Variants in DNAH8 observed in about 807,000 individuals in gnomAD.
DNAH8 encodes dynein axonemal heavy chain 8.
A neutral mutation model predicts 562.1 loss-of-function variants in DNAH8; 382 were observed. That is an observed-to-expected ratio of 0.68 (90% confidence interval 0.63 to 0.74). DNAH8 has a LOEUF of 0.74. Among genes scored for constraint, DNAH8 ranks in the 30% least tolerant of loss-of-function variants. The pLI is 0.00. For missense variants in DNAH8, 5,203 were observed against 5,620.4 expected (o/e 0.93, Z 2.37); for synonymous variants, 1,881 against 1,919.4 (o/e 0.98, Z 0.52).
intron 65 of DNAH8, 54 bp downstream of exon 65, chr6:38,909,798 A>T: frequency 5.9e-6 from 8 of 1,355,912 alleles, no homozygotes; most frequent in Non-Finnish European, 8.4e-6. Context: ...TGTATTCCCA[A>T]GAGGAATGCA....
At chr6:38,888,754 T>C (rs1431605178) in intron 57 of DNAH8, among the ~76,000 whole-genome samples, 1 of 152,250 alleles carries the variant, frequency 6.6e-6, no homozygotes, top group Non-Finnish European at 1.5e-5. Flanking sequence ...AGTGAGAATG[T>C]GAAGCAACTG....
In DNAH8 at chr6:39,012,319, C is replaced by G; in HGVS notation, c.13476C>G (p.Ser4492Arg). 1 of 1,613,290 alleles carries G rather than the reference C, an allele frequency of 6.2e-7. No homozygotes were observed. The highest frequency in any genetic ancestry group is 1.7e-5 in the Admixed American group (1 of 60,016). ...MQRVISILRS[S>R]LSDLKLAIEG... Reference sequence around the variant, plus strand: ...GAGTCATTTCAATACTCCGCAGTAGCCTGAGTGATCTAAAATTGGCCATTG... The same window carrying G: ...GAGTCATTTCAATACTCCGCAGTAGGCTGAGTGATCTAAAATTGGCCATTG... The change falls in exon 90 of 93, where the codon AGC (serine) becomes AGG (arginine). Residue 4492 changes from serine to arginine, a missense_variant. Ser to Arg is a moderately radical substitution (Grantham distance 110). Coordinates refer to ENST00000327475, the MANE Select transcript of DNAH8 (RefSeq NM_001206927.2).
chr6:38,870,261 T>C, intron 48 of DNAH8, 140 bp from the exon 49 acceptor site: 1 of 704,140 alleles, frequency 1.4e-6, no homozygotes, highest in Non-Finnish European at 2.3e-6. Flanking sequence ...CTGGAGAAAG[T>C]ACTAGAGAAT....
chr6:38,749,851 A>G (rs1019169147), intron 8 of DNAH8, among the ~76,000 whole-genome samples: 1 of 151,978 alleles, frequency 6.6e-6, no homozygotes, highest in Admixed American at 6.6e-5. Flanking sequence ...ATTTTTTTTG[A>G]GACAAAGTCT....
intron 17 of DNAH8, 119 bp from the exon 18 acceptor site, chr6:38,786,645 CA>C: frequency 1.0e-6 from 1 of 1,000,180 alleles, no homozygotes; most frequent in Non-Finnish European, 1.4e-6. Flanking sequence ...CTGGGGCATC[CA>C]AAACATTTCC....
chr6:38,925,904 C>A, intron 73 of DNAH8, 151 bp from the exon 74 acceptor site: 1 of 593,266 alleles, frequency 1.7e-6, no homozygotes. Context: ...TTCACATTTA[C>A]AAGTTTGCTT....
At chr6:38,975,161 A>G (rs1042777217) in intron 85 of DNAH8, among the ~76,000 whole-genome samples, 17 of 152,228 alleles carry the variant, frequency 1.1e-4, no homozygotes, top group African/African-American at 3.6e-4. Context: ...CAGTCTTAGT[A>G]CTGACGCAGT....
intron 23 of DNAH8, among the ~76,000 whole-genome samples, chr6:38,807,236 ATCT>A (rs1771359327): frequency 6.6e-6 from 1 of 152,196 alleles, no homozygotes; most frequent in South Asian, 2.1e-4. Flanking sequence ...GAGACTAGTT[ATCT>A]TCTTGTGCCC....
chr6:38,722,808 G>A lies in DNAH8; in HGVS notation c.-2G>A, dbSNP rs769292289. On this transcript the variant is annotated 5_prime_UTR_variant, in exon 2 of 93. Coordinates refer to ENST00000327475, the MANE Select transcript of DNAH8 (RefSeq NM_001206927.2). ...AGTATAAAGCATTCCGCACGACGGG[G>A]GATGGAGAAGGATGCTGAAGATGGC... The A allele has an allele frequency of 6.3e-7, 1 of 1,578,288 alleles. No individual in the cohort carries two copies. The highest frequency in any genetic ancestry group is 1.9e-5 in the Admixed American group (1 of 52,374).
Position 39,013,544 on chromosome 6 carries a change from G to C in DNAH8, c.13714+907G>C, listed in dbSNP as rs892727972. ...GTCAGGATAATGACTGTAGAAGGAG[G>C]GCAGTGATTAGAAAAAGGCACAAAG... On this transcript the variant is annotated intron_variant, in intron 91 of 92. Coordinates refer to ENST00000327475, the MANE Select transcript of DNAH8 (RefSeq NM_001206927.2). Among the ~76,000 whole-genome samples, 5 of 152,274 alleles carry C rather than the reference G, an allele frequency of 3.3e-5. 1 individual carries two copies. The highest frequency in any genetic ancestry group is 3.4e-3 in the Middle Eastern group (1 of 294).
intron 33 of DNAH8, among the ~76,000 whole-genome samples, chr6:38,840,500 T>C (rs1774685023): frequency 6.6e-6 from 1 of 152,196 alleles, no homozygotes; most frequent in African/African-American, 2.4e-5. Flanking sequence ...TGTTGCAAAA[T>C]ATTGCATGAT....
chr6:38,726,710 G>A (rs774727748), intron 3 of DNAH8, among the ~76,000 whole-genome samples: 49 of 152,124 alleles, frequency 3.2e-4, no homozygotes, highest in Non-Finnish European at 6.8e-4. Context: ...ATTTGGTTGA[G>A]GGGAAAAGGC....
At chr6:38,985,649 G>C (rs901296575) in intron 87 of DNAH8, among the ~76,000 whole-genome samples, 2 of 152,200 alleles carry the variant, frequency 1.3e-5, no homozygotes, top group Non-Finnish European at 2.9e-5. Context: ...AGGTATCTCA[G>C]GTAGACATAT....
intron 88 of DNAH8, among the ~76,000 whole-genome samples, chr6:38,991,649 C>A (rs755459375): frequency 3.9e-5 from 6 of 152,156 alleles, no homozygotes; most frequent in Non-Finnish European, 7.4e-5. Flanking sequence ...TCTACCTCCC[C>A]ACCCTGGCTC....
At chr6:38,818,536 G>GAAAAAAAAAAAAAAAA (rs1562891460) in intron 26 of DNAH8, among the ~76,000 whole-genome samples, 1 of 17,218 alleles carries the variant, frequency 5.8e-5, no homozygotes, top group Non-Finnish European at 1.1e-4. Context: ...AAAAGCAAAA[G>GAAAAAAAAAAAAAAAA]CAAAAAAAAA....
Position 38,883,309 on chromosome 6 carries a change from C to A in DNAH8, c.8002-13C>A. ...TTGTAACACATTTCAACACTATTAT[C>A]CTATGATTGCAGGCTGTTTTGCTCA... On this transcript the variant is annotated splice_polypyrimidine_tract_variant and intron_variant, in intron 54 of 92. Transcript: ENST00000327475. The A allele has an allele frequency of 1.9e-6, 3 of 1,603,536 alleles. No homozygotes were observed. The highest frequency in any genetic ancestry group is 2.6e-6 in the Non-Finnish European group (3 of 1,176,180).
chr6:38,846,067 CTTCAT>C (rs1303878296), intron 36 of DNAH8, among the ~76,000 whole-genome samples: 1 of 134,490 alleles, frequency 7.4e-6, no homozygotes, highest in Non-Finnish European at 1.6e-5. Flanking sequence ...GAGATGACCT[CTTCAT>C]TTCATCTTTT....
chr6:38,991,774 A>G (rs921496497), intron 88 of DNAH8, among the ~76,000 whole-genome samples: 2 of 152,124 alleles, frequency 1.3e-5, no homozygotes, highest in African/African-American at 4.8e-5. Context: ...CACTCCCTGG[A>G]ACCTCCCTCC....
chr6:38,734,347 T>C, intron 4 of DNAH8, 127 bp from the exon 5 acceptor site: 1 of 864,610 alleles, frequency 1.2e-6, no homozygotes, highest in Non-Finnish European at 1.5e-6. Flanking sequence ...AAAAAATTAT[T>C]CTATGACCGT....
Sources: gnomAD v4.1 joint callset for allele counts (sites outside exome capture counted in the v4.1 genomes callset) on GRCh38, gnomAD v4.1.1 for gene constraint, MANE v1.5 for transcripts, NCBI Gene and HGNC (gene_info 2026-07-23, HGNC 2026-07-21) for gene names.